Variants in ODF2 observed in about 807,000 individuals in gnomAD.
ODF2 encodes the protein outer dense fiber of sperm tails 2.
In ODF2, 47 loss-of-function variants were observed where a neutral mutation model predicts 110.2. That is an observed-to-expected ratio of 0.43 (90% confidence interval 0.34 to 0.54). The LOEUF is 0.54. Ranked by LOEUF, ODF2 falls within the 20% of genes least tolerant of loss-of-function variation. ODF2 has a pLI of 0.03. For missense variants in ODF2, 812 were observed against 1,054.5 expected, an observed-to-expected ratio of 0.77 and a Z score of 3.19; for synonymous variants, 352 against 397.7, an observed-to-expected ratio of 0.89 and a Z score of 1.37.
At chr9:128,488,059 A>AT in intron 14 of ODF2, 34 bp downstream of exon 14, 2 of 1,611,364 alleles carry the variant, frequency 1.2e-6, no homozygotes, top group Non-Finnish European at 1.7e-6. Context: ...AGGCAGCTGG[A>AT]TGGGGCCCAG....
intron 8 of ODF2, among the ~76,000 whole-genome samples, chr9:128,478,415 C>T (rs753578472): frequency 2.6e-5 from 4 of 151,984 alleles, no homozygotes; most frequent in East Asian, 3.9e-4. Flanking sequence ...CTGGGCAACA[C>T]GGTGAAATCC....
intron 2 of ODF2, among the ~76,000 whole-genome samples, chr9:128,458,705 A>C (rs965717157): frequency 6.6e-6 from 1 of 151,810 alleles, no homozygotes; most frequent in Non-Finnish European, 1.5e-5. Flanking sequence ...TTGAGAGCTT[A>C]AAGGATAGCA....
intron 10 of ODF2, 33 bp downstream of exon 10, chr9:128,482,920 G>T (rs757641730): frequency 1.3e-6 from 2 of 1,485,116 alleles, no homozygotes; most frequent in African/African-American, 1.4e-5. Context: ...TTTTTTAGAC[G>T]GAGTCTCGCT....
At chr9:128,464,487 G>A (rs1588738824) in intron 4 of ODF2, among the ~76,000 whole-genome samples, 1 of 150,792 alleles carries the variant, frequency 6.6e-6, no homozygotes, top group East Asian at 2.0e-4. Flanking sequence ...AAAAGCCTTG[G>A]TAGTTTGGGT....
chr9:128,468,064 T>C (rs114790795), intron 4 of ODF2, among the ~76,000 whole-genome samples: 2,280 of 152,278 alleles, frequency 0.015, 48 homozygotes, highest in African/African-American at 0.051. Context: ...TTCCAGGTAT[T>C]GTACCATGTG....
chr9:128,500,265 T>G, exon 21 of ODF2: 1 of 1,613,814 alleles, frequency 6.2e-7, no homozygotes, highest in Non-Finnish European at 8.5e-7. Context: ...AGGCCACTTA[T>G]CAGGGCCTGG....
chr9:128,455,694 G>A (rs1447553544), upstream of ODF2, among the ~76,000 whole-genome samples: 1 of 151,412 alleles, frequency 6.6e-6, no homozygotes, highest in Non-Finnish European at 1.5e-5. Flanking sequence ...GCCGGGGAAT[G>A]CGCAGAAGCC....
chr9:128,474,992 A>G (rs1396999597), intron 8 of ODF2, among the ~76,000 whole-genome samples: 1 of 152,090 alleles, frequency 6.6e-6, no homozygotes, highest in Non-Finnish European at 1.5e-5. Context: ...TCTGAACTTT[A>G]TATGTTAGCA....
chr9:128,484,152 C>G, intron 11 of ODF2, 98 bp downstream of exon 11: 1 of 869,432 alleles, frequency 1.2e-6, no homozygotes, highest in East Asian at 2.4e-5. Context: ...AAGTGTGCCT[C>G]CAAAGGTTTC....
At position 128,496,157 on chromosome 9, in the gene ODF2, T is replaced by A. The variant is rs1056271262; in HGVS notation, c.2012+16T>A. ...AACTGGAGAGGTTAGAGGCACTTGG[T>A]CCCATCTCTGTCCTCTTCCTAGGAC... On this transcript the variant is annotated intron_variant, in intron 18 of 20. Coordinates refer to ENST00000604420, the Ensembl canonical transcript of ODF2. 1.2e-6 allele frequency: 2 copies of A among 1,613,404 alleles called. No homozygotes were observed. Among genetic ancestry groups the A allele is most frequent in the African/African-American group, 1.3e-5 (1 of 74,902 alleles).
In ODF2 at chr9:128,484,027, G is replaced by C. The variant is rs775230930; in HGVS notation, c.1077G>C (p.Glu359Asp). 23 of 1,612,650 alleles carry C rather than the reference G, an allele frequency of 1.4e-5. No individual in the cohort carries two copies. The highest frequency in any genetic ancestry group is 1.9e-5 in the Non-Finnish European group (22 of 1,179,912). Reference sequence around the variant, plus strand: ...CACAGCTTCGGTCCAAAGAGGCTGAGAACAGTCGCCTGTGCATGCAGATTA... The same window carrying C: ...CACAGCTTCGGTCCAAAGAGGCTGACAACAGTCGCCTGTGCATGCAGATTA... The change falls in exon 11 of 21, where the codon GAG (glutamate) becomes GAC (aspartate). Residue 359 changes from glutamate (E) to aspartate (D), a missense_variant. Transcript: ENST00000604420.
chr9:128,456,893 C>G, intron 1 of ODF2: 5 of 1,284,136 alleles, frequency 3.9e-6, no homozygotes, highest in East Asian at 3.7e-5. Context: ...TATTGGTCCT[C>G]TCGGGCATCT....
chr9:128,493,850 A>C (rs1200433947), intron 16 of ODF2, among the ~76,000 whole-genome samples: 1 of 152,116 alleles, frequency 6.6e-6, no homozygotes, highest in Non-Finnish European at 1.5e-5. Context: ...GCTGGAGTGC[A>C]GTGGTGTGAT....
At chr9:128,481,344 G>T (rs1842356177) in intron 8 of ODF2, among the ~76,000 whole-genome samples, 1 of 152,016 alleles carries the variant, frequency 6.6e-6, no homozygotes. Flanking sequence ...GGGCATGGTA[G>T]TGCATGCTTG....
exon 12 of ODF2, chr9:128,484,845 G>A: frequency 6.2e-7 from 1 of 1,614,072 alleles, no homozygotes; most frequent in Non-Finnish European, 8.5e-7. Flanking sequence ...CGAGAAGAGC[G>A]AGGAGTATGC....
rs924417574 is a variant in ODF2, at chr9:128,459,931, GA to G, written c.123+283del. Among the ~76,000 whole-genome samples, 39 of 151,414 alleles carry G rather than the reference GA, an allele frequency of 2.6e-4. 1 individual carries two copies. The highest frequency in any genetic ancestry group is 7.3e-4 in the African/African-American group (30 of 41,316). ...AAAATAAAGGAAAAGAAAAAGAAGA[GA>G]AAAAAAAAGTTTAAAGAATGAGGGG... On this transcript the variant is annotated intron_variant, in intron 3 of 20. Transcript: ENST00000604420.
rs1273553014 is a variant in ODF2, at chr9:128,470,046, T to TATATAA, written c.420+694_420+695insTATAAA. On this transcript the variant is annotated intron_variant, in intron 5 of 20. Transcript: ENST00000604420. ...ATATATATATATATATATATATATA[T>TATATAA]AAATAAAAAAATTAACAAAAACAAA... 5.3e-5 allele frequency among the ~76,000 whole-genome samples: 3 copies of TATATAA among 56,664 alleles called. No homozygotes were observed. The East Asian group carries it at 1.4e-3, about 27-fold the overall frequency. The allele number at this position is 56,664 out of a possible 152,430, so 37.2% of individuals were successfully genotyped here.
exon 12 of ODF2, chr9:128,484,712 C>A (rs749145025): frequency 6.4e-7 from 1 of 1,567,952 alleles, no homozygotes. Flanking sequence ...ATCTGGAGCG[C>A]AGCGGGAATC....
intron 4 of ODF2, among the ~76,000 whole-genome samples, chr9:128,467,819 A>C (rs563278666): frequency 6.6e-6 from 1 of 151,422 alleles, no homozygotes; most frequent in Admixed American, 6.6e-5. Flanking sequence ...ATTTTAAAAT[A>C]TTTAAAAAAA....
Sources: allele counts gnomAD v4.1 joint callset (sites outside exome capture counted in the v4.1 genomes callset), GRCh38; gene constraint gnomAD v4.1.1; transcripts MANE v1.5; gene names NCBI Gene and HGNC (gene_info 2026-07-23, HGNC 2026-07-21).